The following DNAJC15 variants were observed in gnomAD, a reference collection of about 807,000 sequenced individuals.
DNAJC15 encodes the protein DnaJ heat shock protein family (Hsp40) member C15, also known as dnaJ homolog subfamily C member 15.
DNAJC15 carries 27 observed loss-of-function variants against 22.4 expected under a neutral mutation model. The observed-to-expected ratio is 1.20, with a 90% CI of 0.89 to 1.66. The LOEUF (loss-of-function observed/expected upper bound fraction) is 1.66. DNAJC15 is among the 40% of genes most tolerant of loss of function. The pLI is 0.00. For missense variants in DNAJC15, 208 were observed against 187.1 expected (o/e 1.11, Z -0.65); for synonymous variants, 79 against 63.2 (o/e 1.25, Z -1.19).
At chr13:43,051,762 G>GT (rs1157615390) in intron 1 of DNAJC15, among the ~76,000 whole-genome samples, 3 of 152,092 alleles carry the variant, frequency 2.0e-5, no homozygotes, top group Non-Finnish European at 4.4e-5. Context: ...TGCATGTGCA[G>GT]TATCTTTTTC....
chr13:43,071,793 T>G (rs1352927005), intron 3 of DNAJC15, among the ~76,000 whole-genome samples: 6 of 152,238 alleles, frequency 3.9e-5, no homozygotes, highest in African/African-American at 1.4e-4. Context: ...CTTTAAACTT[T>G]ATTTGCTTTC....
Position 43,034,566 on chromosome 13 carries a change from C to T in DNAJC15, c.108+10832C>T, listed in dbSNP as rs567824519. Among the ~76,000 whole-genome samples, 168 of 152,074 alleles carry T rather than the reference C, an allele frequency of 1.1e-3. 1 individual carries two copies. The highest frequency in any genetic ancestry group is 3.7e-3 in the African/African-American group (155 of 41,496). ...TCCTGACCTAGTGATCCGCCCGCCTCGGCCTCCCAAAGTGCTAGGATTACA... is the reference window on the plus strand; with the variant it reads ...TCCTGACCTAGTGATCCGCCCGCCTTGGCCTCCCAAAGTGCTAGGATTACA... On this transcript the variant is annotated intron_variant, in intron 1 of 5. Coordinates refer to ENST00000379221, the MANE Select transcript of DNAJC15 (RefSeq NM_013238.3).
chr13:43,065,586 AGT>A, intron 1 of DNAJC15, 98 bp from the exon 2 acceptor site: 3 of 956,116 alleles, frequency 3.1e-6, no homozygotes, highest in East Asian at 4.9e-5. Flanking sequence ...GCTTAAAGAA[AGT>A]GTAGTATTGT....
intron 1 of DNAJC15, among the ~76,000 whole-genome samples, chr13:43,061,722 C>T (rs1286644340): frequency 6.6e-6 from 1 of 152,270 alleles, no homozygotes; most frequent in Non-Finnish European, 1.5e-5. Context: ...CGAGAACTCA[C>T]TTATCACCAA....
At chr13:43,035,347 A>C (rs2040424370) in intron 1 of DNAJC15, among the ~76,000 whole-genome samples, 1 of 152,224 alleles carries the variant, frequency 6.6e-6, no homozygotes, top group African/African-American at 2.4e-5. Flanking sequence ...TGAACAGTAA[A>C]GAACCTGTCT....
At chr13:43,029,496 T>G (rs2040395051) in intron 1 of DNAJC15, among the ~76,000 whole-genome samples, 2 of 150,270 alleles carry the variant, frequency 1.3e-5, no homozygotes, top group South Asian at 2.1e-4. Context: ...TTAGGGAGAA[T>G]AAAATGCCAT....
chr13:43,096,510 G>A (rs74063468), intron 5 of DNAJC15, among the ~76,000 whole-genome samples: 2,548 of 152,240 alleles, frequency 0.017, 81 homozygotes, highest in East Asian at 0.1. Context: ...ATCATGAGGT[G>A]TCTGGAAACA....
chr13:43,069,097 A>G (rs1488082633), intron 3 of DNAJC15, 94 bp downstream of exon 3: 11 of 1,271,340 alleles, frequency 8.7e-6, no homozygotes, highest in African/African-American at 4.5e-5. Context: ...GGATTTTCCA[A>G]TGTTTGTAGA....
chr13:43,078,756 A>G, intron 4 of DNAJC15, 68 bp downstream of exon 4: 11 of 1,436,664 alleles, frequency 7.7e-6, no homozygotes, highest in Non-Finnish European at 1.1e-5. Flanking sequence ...AGAAAACGTT[A>G]CAATAAGGTT....
intron 1 of DNAJC15, among the ~76,000 whole-genome samples, chr13:43,040,018 CAA>C (rs1265826033): frequency 7.3e-6 from 1 of 137,632 alleles, no homozygotes; most frequent in Non-Finnish European, 1.6e-5. Flanking sequence ...GACTCTGTCT[CAA>C]AAGAGAGAGA....
intron 1 of DNAJC15, among the ~76,000 whole-genome samples, chr13:43,043,018 A>G (rs2040460850): frequency 6.6e-6 from 1 of 152,230 alleles, no homozygotes; most frequent in African/African-American, 2.4e-5. Flanking sequence ...AGTGCTCTCC[A>G]GGCTGTCAGG....
intron 4 of DNAJC15, among the ~76,000 whole-genome samples, chr13:43,080,646 T>C (rs907949760): frequency 1.3e-5 from 2 of 152,260 alleles, no homozygotes; most frequent in Admixed American, 6.5e-5. Context: ...TTGTTTTGTT[T>C]TGTTTTTAGC....
chr13:43,100,318 C>T lies in DNAJC15; in HGVS notation c.383-6860C>T, dbSNP rs138330650. 4.0e-3 allele frequency among the ~76,000 whole-genome samples: 596 copies of T among 149,736 alleles called. 2 individuals are homozygous for T. Among genetic ancestry groups the T allele is most frequent in the Middle Eastern group, 7.0e-3 (2 of 286 alleles). Reference sequence around the variant, plus strand: ...GACCTCCTGGGCTTAAGTGATCCTTCCACCTTAGCCTCCTGAGTAGCTGGG... The same window carrying T: ...GACCTCCTGGGCTTAAGTGATCCTTTCACCTTAGCCTCCTGAGTAGCTGGG... On this transcript the variant is annotated intron_variant, in intron 5 of 5. Coordinates refer to ENST00000379221, the MANE Select transcript of DNAJC15 (RefSeq NM_013238.3).
At chr13:43,095,886 G>C (rs114594936) in intron 5 of DNAJC15, among the ~76,000 whole-genome samples, 10 of 152,214 alleles carry the variant, frequency 6.6e-5, no homozygotes, top group African/African-American at 2.4e-4. Context: ...GAAAAGATGC[G>C]GAAGTTGAGT....
rs908014989 is a variant in DNAJC15, at chr13:43,113,718, A to G, written c.*6470A>G. ...TTGCTCTTTCCTTCTGTAAATGTGAATAGTTAAGAGTTGACTGCAGAAGTG... is the reference window on the plus strand; with the variant it reads ...TTGCTCTTTCCTTCTGTAAATGTGAGTAGTTAAGAGTTGACTGCAGAAGTG... On this transcript the variant is annotated 3_prime_UTR_variant, in exon 6 of 6. Coordinates refer to ENST00000379221, the MANE Select transcript of DNAJC15 (RefSeq NM_013238.3). 1.3e-5 allele frequency: 2 copies of G among 152,188 alleles called. No individual in the cohort carries two copies. Among genetic ancestry groups the G allele is most frequent in the African/African-American group, 4.8e-5 (2 of 41,444 alleles). The allele number at this position is 152,188 out of a possible 1,614,324, so 9.4% of individuals were successfully genotyped here.
Position 43,083,966 on chromosome 13 carries a change from C to T in DNAJC15, c.312-1802C>T, listed in dbSNP as rs1812860094. Among the ~76,000 whole-genome samples, 3 of 152,304 alleles carry T rather than the reference C, an allele frequency of 2.0e-5. No individual in the cohort carries two copies. The South Asian group carries it at 6.2e-4, about 32-fold the overall frequency. ...TGTGCCTACTCAGCAATTAATAGTG[C>T]ATTTTAATGTGCTTGGTGATCTATC... On this transcript the variant is annotated intron_variant, in intron 4 of 5. Transcript: ENST00000379221.
At chr13:43,084,800 G>A (rs1392250646) in intron 4 of DNAJC15, among the ~76,000 whole-genome samples, 2 of 151,988 alleles carry the variant, frequency 1.3e-5, no homozygotes, top group South Asian at 4.1e-4. Context: ...TACAGCATAG[G>A]CTTTAACAGC....
intron 5 of DNAJC15, among the ~76,000 whole-genome samples, chr13:43,096,100 G>C (rs74063455): frequency 0.017 from 2,538 of 152,148 alleles, 80 homozygotes; most frequent in East Asian, 0.1. Context: ...ATCGAGAGAA[G>C]GTGATTTAGA....
chr13:43,037,483 A>G (rs974028603), intron 1 of DNAJC15, among the ~76,000 whole-genome samples: 4 of 152,192 alleles, frequency 2.6e-5, no homozygotes, highest in African/African-American at 4.8e-5. Flanking sequence ...TTCTTGAAGA[A>G]TGTAAGGAAG....
Sources: allele counts gnomAD v4.1 joint callset (sites outside exome capture counted in the v4.1 genomes callset), GRCh38; gene constraint gnomAD v4.1.1; transcripts MANE v1.5; gene names NCBI Gene and HGNC (gene_info 2026-07-23, HGNC 2026-07-21).